Variants in HDAC4 observed in about 807,000 individuals in gnomAD.
The protein encoded by HDAC4 is histone deacetylase 4.
In HDAC4, 16 loss-of-function variants were observed where a neutral mutation model predicts 135.1. The observed-to-expected ratio is 0.12, with a 90% confidence interval of 0.08 to 0.18. HDAC4 has a LOEUF of 0.18. HDAC4 is among the 10% of genes least tolerant of loss of function. HDAC4 has a pLI of 1.00. For synonymous variants in HDAC4, 685 were observed against 653.4 expected (o/e 1.05, Z -0.74); for missense variants, 1,143 against 1,511.8 (o/e 0.76, Z 4.05).
At chr2:239,353,524 G>A (rs1693299300) in intron 1 of HDAC4, among the ~76,000 whole-genome samples, 1 of 152,176 alleles carries the variant, frequency 6.6e-6, no homozygotes, top group Non-Finnish European at 1.5e-5. Flanking sequence ...CACATTATAA[G>A]ATATTTAGCA....
intron 14 of HDAC4, 94 bp from the exon 15 acceptor site, chr2:239,108,277 A>C: frequency 1.4e-6 from 2 of 1,433,902 alleles, no homozygotes; most frequent in Non-Finnish European, 1.9e-6. Flanking sequence ...CGGAACCACC[A>C]CTTCCCTAGA....
chr2:239,131,785 G>A lies in HDAC4; in HGVS notation c.1294+2460C>T, dbSNP rs2040604932. On this transcript the variant is annotated intron_variant, in intron 11 of 26. Coordinates refer to ENST00000543185, the MANE Select transcript of HDAC4 (RefSeq NM_001378414.1). ...CATTCAGGGGACAGCCGTGGGCCGTGCACTGGATGTGGTGCACATGTGACT... is the reference window on the plus strand; with the variant it reads ...CATTCAGGGGACAGCCGTGGGCCGTACACTGGATGTGGTGCACATGTGACT... 3.3e-5 allele frequency among the ~76,000 whole-genome samples: 5 copies of A among 152,352 alleles called. No individual in the cohort carries two copies. In the South Asian group the frequency reaches 1.0e-3, roughly 32 times the overall value.
In HDAC4 at chr2:239,051,388, A is replaced by G. The variant is rs2030821861; in HGVS notation, c.*1709T>C. On this transcript the variant is annotated 3_prime_UTR_variant, in exon 27 of 27. Coordinates refer to ENST00000543185, the MANE Select transcript of HDAC4 (RefSeq NM_001378414.1). ...TGCAGAAAACTCATCGTACAAAAAT[A>G]AAAACAAAAATAATTAAAAACCTTT... 6.6e-6 allele frequency: 1 copy of G among 152,174 alleles called. No individual in the cohort carries two copies. The highest frequency in any genetic ancestry group is 2.1e-4 in the South Asian group (1 of 4,836). The allele number at this position is 152,174 out of a possible 1,614,324, so 9.4% of individuals were successfully genotyped here.
rs2052619674 is a variant in HDAC4, at chr2:239,306,921, G to A, written c.22+45757C>T. ...TGTCCAAGGAGGGCCTGAGCCTCCC[G>A]TGTGCACCTCCCCAAGGGCGCCTGC... On this transcript the variant is annotated intron_variant, in intron 2 of 26. Coordinates refer to ENST00000543185, the MANE Select transcript of HDAC4 (RefSeq NM_001378414.1). This position sits in a 1 kb window ranked among gnomAD's most constrained non-coding sequence, Gnocchi z 4.5. Among the ~76,000 whole-genome samples, 1 of 151,796 alleles carries A rather than the reference G, an allele frequency of 6.6e-6. No homozygotes were observed. The highest frequency in any genetic ancestry group is 6.5e-5 in the Admixed American group (1 of 15,268).
At chr2:239,247,321 C>T (rs901972664) in intron 2 of HDAC4, among the ~76,000 whole-genome samples, 7 of 152,256 alleles carry the variant, frequency 4.6e-5, no homozygotes, top group African/African-American at 1.7e-4. Flanking sequence ...CGCATCTACC[C>T]TCCACCTGGA....
At chr2:239,165,726 G>A (rs2043087787) in intron 5 of HDAC4, among the ~76,000 whole-genome samples, 1 of 152,186 alleles carries the variant, frequency 6.6e-6, no homozygotes, top group Admixed American at 6.5e-5. Flanking sequence ...GCTCTCGGCT[G>A]CTCCGTGTGT....
intron 2 of HDAC4, among the ~76,000 whole-genome samples, chr2:239,260,436 G>A (rs949943377): frequency 6.6e-6 from 1 of 152,150 alleles, no homozygotes; most frequent in Admixed American, 6.5e-5. Context: ...TACAAATAAC[G>A]GGTCTGGAGC....
rs573171781 is a variant in HDAC4 at position 239,120,062 on chromosome 2, A to G, written c.1534-4752T>C. On this transcript the variant is annotated intron_variant, in intron 12 of 26. Transcript: ENST00000543185. ...GGCCAAGTGCCAGAGAAGGGCCACCACAGAGGAGGTGCTGGCCCCGGGACG... is the reference window on the plus strand; with the variant it reads ...GGCCAAGTGCCAGAGAAGGGCCACCGCAGAGGAGGTGCTGGCCCCGGGACG... 2.0e-3 allele frequency among the ~76,000 whole-genome samples: 306 copies of G among 152,192 alleles called. 1 individual carries two copies. Among genetic ancestry groups the G allele is most frequent in the African/African-American group, 7.1e-3 (293 of 41,560 alleles).
Position 239,329,580 on chromosome 2 carries a change from G to A in HDAC4, c.22+23098C>T, listed in dbSNP as rs945806795. Among the ~76,000 whole-genome samples the A allele has an allele frequency of 2.6e-5, 4 of 151,738 alleles. No individual in the cohort carries two copies. In the South Asian group the frequency reaches 6.3e-4, roughly 24 times the overall value. ...GGAAGCTGGCATCACACAGACACCC[G>A]TGCTCCATTTGTTTTGTGATCTGAT... On this transcript the variant is annotated intron_variant, in intron 2 of 26. Coordinates refer to ENST00000543185, the MANE Select transcript of HDAC4 (RefSeq NM_001378414.1).
chr2:239,242,313 T>G (rs2153193021), intron 2 of HDAC4, among the ~76,000 whole-genome samples: 1 of 152,226 alleles, frequency 6.6e-6, no homozygotes, highest in East Asian at 1.9e-4. Context: ...GAAGATAATC[T>G]TTACAGTACT....
intron 4 of HDAC4, among the ~76,000 whole-genome samples, chr2:239,184,679 C>A (rs1447814444): frequency 7.9e-6 from 1 of 126,932 alleles, no homozygotes; most frequent in Non-Finnish European, 1.7e-5. Flanking sequence ...TGGGGGAGGT[C>A]CCTCAGTGTC....
intron 2 of HDAC4, among the ~76,000 whole-genome samples, chr2:239,346,806 CT>C (rs1692721271): frequency 1.4e-5 from 2 of 144,736 alleles, no homozygotes; most frequent in Non-Finnish European, 3.0e-5. Context: ...CACACACACC[CT>C]GTCTAAAACA....
At chr2:239,161,693 G>T in intron 6 of HDAC4, 1 of 323,134 alleles carries the variant, frequency 3.1e-6, no homozygotes. Context: ...AGTACCTCCG[G>T]CCCCTGCCAT....
chr2:239,124,537 G>C (rs2039972709), intron 12 of HDAC4, among the ~76,000 whole-genome samples: 1 of 151,864 alleles, frequency 6.6e-6, no homozygotes, highest in Non-Finnish European at 1.5e-5. Flanking sequence ...CCGGCGTGTG[G>C]CCGTGCGTCA....
Position 239,111,530 on chromosome 2 carries a change from C to G in HDAC4, c.1974G>C (p.Thr658=). 1.2e-6 allele frequency: 2 copies of G among 1,612,004 alleles called. No homozygotes were observed. Among genetic ancestry groups the G allele is most frequent in the Non-Finnish European group, 1.7e-6 (2 of 1,179,646 alleles). ...TGCACAAAGGCCACGTGTTACCTGT[C>G]GTGAACCTCGGCTTGGTGGGGGGCT... ...VQEPPTKPRF[T]TGLVYDTLML... is the part of the protein sequence containing the mutation. Residue 658 remains threonine (T), a synonymous_variant, in exon 14 of 27, where the codon ACG becomes ACC. Transcript: ENST00000543185.
rs947446192 is a variant in HDAC4, at chr2:239,146,531, A to G, written c.734-1817T>C. On this transcript the variant is annotated intron_variant, in intron 7 of 26. Coordinates refer to ENST00000543185, the MANE Select transcript of HDAC4 (RefSeq NM_001378414.1). This position sits in a 1 kb window ranked among gnomAD's most constrained non-coding sequence, Gnocchi z 4.5. ...CAGGCTACCATGGACTGGCTGTGGT[A>G]CTGCAGCCCAGTGCACCGCCTCCCC... is the stretch of plus-strand genomic sequence containing the variant. Among the ~76,000 whole-genome samples the G allele has an allele frequency of 1.3e-5, 2 of 152,118 alleles. No individual in the cohort carries two copies. The highest frequency in any genetic ancestry group is 1.5e-5 in the Non-Finnish European group (1 of 67,988).
chr2:239,152,428 C>G (rs1036795504), intron 7 of HDAC4, among the ~76,000 whole-genome samples: 1 of 152,262 alleles, frequency 6.6e-6, no homozygotes, highest in Admixed American at 6.5e-5. Flanking sequence ...GCACCTCACC[C>G]TGGGCCGAAA....
intron 2 of HDAC4, among the ~76,000 whole-genome samples, chr2:239,338,247 C>A (rs529153664): frequency 6.6e-6 from 1 of 152,292 alleles, no homozygotes; most frequent in South Asian, 2.1e-4. Context: ...GACTCAAAGC[C>A]AGTGCAGTGA....
At chr2:239,121,376 T>A (rs1417427320) in intron 12 of HDAC4, among the ~76,000 whole-genome samples, 1 of 152,160 alleles carries the variant, frequency 6.6e-6, no homozygotes, top group Non-Finnish European at 1.5e-5. Context: ...GGTCAGCCTC[T>A]CTTCCTGGGG....
Sources: allele counts gnomAD v4.1 joint callset (sites outside exome capture counted in the v4.1 genomes callset), GRCh38; gene constraint gnomAD v4.1.1; non-coding constraint Gnocchi (gnomAD v3.1); transcripts MANE v1.5; gene names NCBI Gene and HGNC (gene_info 2026-07-23, HGNC 2026-07-21).